The following DNAH5 variants were observed in gnomAD, a reference collection of about 807,000 sequenced individuals.
The protein encoded by DNAH5 is dynein axonemal heavy chain 5, also known as axonemal beta dynein heavy chain 5.
Under a neutral mutation model 518.2 loss-of-function variants are expected in DNAH5, and 372 were observed. The ratio of observed to expected loss-of-function variants is 0.72; its 90% CI spans 0.66 to 0.78. The LOEUF (loss-of-function observed/expected upper bound fraction) is 0.78. Among genes scored for constraint, DNAH5 ranks in the 30% least tolerant of loss-of-function variants. The pLI is 0.00. For missense variants in DNAH5, 5,523 were observed against 5,687.0 expected (o/e 0.97, Z 0.93); for synonymous variants, 2,039 against 2,025.9 (o/e 1.01, Z -0.17).
At chr5:13,700,521 G>A (rs762303341) in intron 78 of DNAH5, 119 bp downstream of exon 78, 740 of 971,930 alleles carry the variant, frequency 7.6e-4, no homozygotes, top group Non-Finnish European at 9.8e-4. Context: ...TGAATGTAAA[G>A]CTAATAGATA....
intron 16 of DNAH5, among the ~76,000 whole-genome samples, chr5:13,891,679 A>C (rs1348217995): frequency 6.6e-6 from 1 of 152,182 alleles, no homozygotes; most frequent in Non-Finnish European, 1.5e-5. Flanking sequence ...CATATTTTTT[A>C]TCCTTACATC....
chr5:13,708,593 G>C (rs1267917964), intron 75 of DNAH5, among the ~76,000 whole-genome samples: 1 of 152,144 alleles, frequency 6.6e-6, no homozygotes, highest in Non-Finnish European at 1.5e-5. Flanking sequence ...TAAAATGCAT[G>C]ACCACAACCA....
At position 13,900,331 on chromosome 5, in the gene DNAH5, G is replaced by C. The variant is rs1774432673; in HGVS notation, c.2134C>G (p.Pro712Ala). The change falls in exon 15 of 79, where the codon CCT (proline) becomes GCT (alanine). Residue 712 changes from proline to alanine, a missense_variant. Transcript: ENST00000265104. ...TCTCTAAATAAGATTAATATCTGAG[G>C]GTCAAAGTTTACAAACAATTCCCCT... The part of the protein sequence containing the change: ...GTGELFVNFD[P>A]QILILFRETE... 1 of 1,614,038 alleles carries C rather than the reference G, an allele frequency of 6.2e-7. No individual in the cohort carries two copies. Among genetic ancestry groups the C allele is most frequent in the Non-Finnish European group, 8.5e-7 (1 of 1,179,968 alleles).
intron 30 of DNAH5, among the ~76,000 whole-genome samples, chr5:13,852,715 T>A (rs1200565899): frequency 6.7e-6 from 1 of 148,552 alleles, no homozygotes; most frequent in African/African-American, 2.5e-5. Flanking sequence ...GAGGCTTGAG[T>A]AGGCGGTTTT....
chr5:13,792,733 C>T (rs546436620), intron 49 of DNAH5, among the ~76,000 whole-genome samples: 3 of 152,286 alleles, frequency 2.0e-5, no homozygotes, highest in Admixed American at 1.3e-4. Flanking sequence ...GGTTTCCAGA[C>T]CTTGCTCACT....
chr5:13,754,625 GC>G (rs1396896729), intron 61 of DNAH5, among the ~76,000 whole-genome samples: 7 of 151,950 alleles, frequency 4.6e-5, no homozygotes, highest in Non-Finnish European at 1.0e-4. Flanking sequence ...TGCAACCTCT[GC>G]CTCCCGGGTT....
rs1328755054 is a variant in DNAH5, at chr5:13,830,025, C to T, written c.6249+1G>A. ...CAGTAGCTTTTCTAGCAGCTCCTTACCATGGTTAAGAAAAGCCCAAATTCA... is the reference window on the plus strand; with the variant it reads ...CAGTAGCTTTTCTAGCAGCTCCTTATCATGGTTAAGAAAAGCCCAAATTCA... On this transcript the variant is annotated splice_donor_variant, in intron 37 of 78. Transcript: ENST00000265104. LOFTEE classifies it high-confidence loss of function. 1.2e-6 allele frequency: 2 copies of T among 1,613,264 alleles called. No individual in the cohort carries two copies. The highest frequency in any genetic ancestry group is 1.7e-5 in the Admixed American group (1 of 59,998).
chr5:13,827,309 A>C (rs192556052), intron 38 of DNAH5, among the ~76,000 whole-genome samples: 2 of 151,892 alleles, frequency 1.3e-5, no homozygotes, highest in Non-Finnish European at 2.9e-5. Context: ...TTAATCACCA[A>C]GACAATGGAG....
At chr5:13,728,369 A>G (rs1746038207) in intron 69 of DNAH5, among the ~76,000 whole-genome samples, 1 of 152,186 alleles carries the variant, frequency 6.6e-6, no homozygotes, top group Non-Finnish European at 1.5e-5. Context: ...CTTTTCATCA[A>G]GGGTTCCAAT....
At chr5:13,947,195 A>G (rs994648640), upstream of DNAH5, among the ~76,000 whole-genome samples, 1 of 152,230 alleles carries the variant, frequency 6.6e-6, no homozygotes, top group Non-Finnish European at 1.5e-5. Context: ...AAAATAAGGT[A>G]TAAGCTTTAT....
At chr5:13,712,369 C>T (rs2591247) in intron 75 of DNAH5, among the ~76,000 whole-genome samples, 1 of 151,926 alleles carries the variant, frequency 6.6e-6, no homozygotes, top group South Asian at 2.1e-4. Context: ...CAAAAATTCT[C>T]GACAATAACA....
intron 3 of DNAH5, among the ~76,000 whole-genome samples, chr5:13,926,642 T>C (rs747805032): frequency 7.9e-5 from 12 of 152,242 alleles, no homozygotes; most frequent in Non-Finnish European, 1.6e-4. Context: ...TTTTGTAATC[T>C]AAGAACATCC....
At chr5:13,910,959 G>C (rs913375010) in intron 12 of DNAH5, among the ~76,000 whole-genome samples, 2 of 152,256 alleles carry the variant, frequency 1.3e-5, no homozygotes, top group Non-Finnish European at 2.9e-5. Flanking sequence ...AGTCGGTCCT[G>C]GCGCCACCGT....
intron 75 of DNAH5, among the ~76,000 whole-genome samples, chr5:13,708,735 C>G (rs1743127241): frequency 6.6e-6 from 1 of 152,190 alleles, no homozygotes; most frequent in South Asian, 2.1e-4. Flanking sequence ...CTGGCTATTT[C>G]AAAAAACTAG....
At chr5:13,891,183 A>T in intron 16 of DNAH5, 62 bp from the exon 17 acceptor site, 1 of 1,559,514 alleles carries the variant, frequency 6.4e-7, no homozygotes, top group Non-Finnish European at 8.8e-7. Flanking sequence ...TTTTAAAAAA[A>T]TCAACACTTG....
chr5:13,818,512 C>T (rs1446305290), intron 41 of DNAH5, among the ~76,000 whole-genome samples: 1 of 152,230 alleles, frequency 6.6e-6, no homozygotes, highest in African/African-American at 2.4e-5. Flanking sequence ...TCCAATCCCT[C>T]CTACTGACAC....
intron 1 of DNAH5, among the ~76,000 whole-genome samples, chr5:13,962,688 G>C (rs1172329802): frequency 6.6e-6 from 1 of 152,142 alleles, no homozygotes; most frequent in Non-Finnish European, 1.5e-5. Context: ...AGTGTGGTGG[G>C]AAAGAAGAAC....
At chr5:14,001,987 C>T (rs993066147) in intron 1 of DNAH5, among the ~76,000 whole-genome samples, 1 of 151,918 alleles carries the variant, frequency 6.6e-6, no homozygotes, top group Non-Finnish European at 1.5e-5. Flanking sequence ...CAACCTCCAC[C>T]TCCCAAGTTC....
chr5:13,900,112 C>T, intron 15 of DNAH5, 94 bp downstream of exon 15: 6 of 1,186,112 alleles, frequency 5.1e-6, no homozygotes, highest in Non-Finnish European at 7.3e-6. Flanking sequence ...ATCCTGGCCA[C>T]TTTCTGCTCC....
Sources: allele counts gnomAD v4.1 joint callset (sites outside exome capture counted in the v4.1 genomes callset), GRCh38; gene constraint gnomAD v4.1.1; transcripts MANE v1.5; gene names NCBI Gene and HGNC (gene_info 2026-07-23, HGNC 2026-07-21).